BBX: variants seen among roughly 807,000 people sequenced by gnomAD.
BBX encodes BBX high mobility group box domain containing.
Under a neutral mutation model 100.2 loss-of-function variants are expected in BBX, and 30 were observed. The ratio of observed to expected loss-of-function variants is 0.30; its 90% confidence interval spans 0.22 to 0.41. The LOEUF is 0.41. Ranked by LOEUF, BBX falls within the 10% of genes least tolerant of loss-of-function variation. BBX has a pLI of 1.00. For missense variants in BBX, 1,023 were observed against 1,129.8 expected (o/e 0.91, Z 1.35); for synonymous variants, 376 against 388.1 (o/e 0.97, Z 0.37).
intron 2 of BBX, among the ~76,000 whole-genome samples, chr3:107,607,925 G>C (rs2054570422): frequency 1.3e-5 from 2 of 152,046 alleles, no homozygotes; most frequent in African/African-American, 4.8e-5. Flanking sequence ...TTTTCCTTAA[G>C]AGTTGTTTGA....
chr3:107,754,232 A>G (rs1487061365), intron 9 of BBX, among the ~76,000 whole-genome samples: 1 of 152,208 alleles, frequency 6.6e-6, no homozygotes, highest in African/African-American at 2.4e-5. Flanking sequence ...TCCCTGAAGC[A>G]CTGAGAGCCG....
rs1055688191 is a variant in BBX at position 107,748,166 on chromosome 3, T to C, written c.825+127T>C. On this transcript the variant is annotated intron_variant, in intron 9 of 17. Coordinates refer to ENST00000325805, the MANE Select transcript of BBX (RefSeq NM_001142568.3). ...GTTGTCATTATTAACATAATACACA[T>C]AACAGAATATTTATTGCTTTTTCTG... is the stretch of plus-strand genomic sequence containing the variant. The C allele has an allele frequency of 1.0e-5, 7 of 674,376 alleles. No homozygotes were observed. In the African/African-American group the frequency reaches 1.3e-4, roughly 12 times the overall value. The allele number at this position is 674,376 out of a possible 1,614,324, so 41.8% of individuals were successfully genotyped here.
rs1384138660 is a variant in BBX at position 107,645,929 on chromosome 3, T to C, written c.-10+20T>C. 1 of 152,618 alleles carries C rather than the reference T, an allele frequency of 6.6e-6. No homozygotes were observed. The highest frequency in any genetic ancestry group is 1.9e-4 in the East Asian group (1 of 5,196). 9.5% of individuals were successfully genotyped at this position (152,618 alleles called of 1,614,324 possible). On this transcript the variant is annotated intron_variant, in intron 3 of 17. Transcript: ENST00000325805. ...TGACTGGTAAGAGCTGTTGTGAAGG[T>C]ACATCTTACTTACTTACCTGGAAGC...
chr3:107,775,005 C>A, intron 12 of BBX, 148 bp downstream of exon 12: 1 of 865,210 alleles, frequency 1.2e-6, no homozygotes, highest in South Asian at 2.5e-5. Context: ...CCCTAGTGAA[C>A]ACAAATCAAG....
chr3:107,739,770 G>A (rs2063928227), intron 7 of BBX, among the ~76,000 whole-genome samples: 1 of 152,208 alleles, frequency 6.6e-6, no homozygotes, highest in Non-Finnish European at 1.5e-5. Flanking sequence ...GATGTACACT[G>A]TTGCATTTTA....
intron 3 of BBX, among the ~76,000 whole-genome samples, chr3:107,700,934 A>G (rs1172959308): frequency 2.0e-5 from 3 of 151,822 alleles, no homozygotes; most frequent in Non-Finnish European, 4.4e-5. Flanking sequence ...AGCATGATTT[A>G]TAATCCTTTG....
intron 2 of BBX, among the ~76,000 whole-genome samples, chr3:107,572,317 A>C (rs1282642233): frequency 6.6e-6 from 1 of 152,050 alleles, no homozygotes; most frequent in Non-Finnish European, 1.5e-5. Context: ...ATTTTTTTTT[A>C]AATGTGAGCA....
At chr3:107,617,660 A>G (rs151285658) in intron 2 of BBX, among the ~76,000 whole-genome samples, 3 of 152,144 alleles carry the variant, frequency 2.0e-5, no homozygotes, top group Admixed American at 2.0e-4. Flanking sequence ...TAGTGTCTAC[A>G]TGTTAAAATA....
At chr3:107,629,609 C>T (rs184302959) in intron 2 of BBX, among the ~76,000 whole-genome samples, 14 of 152,124 alleles carry the variant, frequency 9.2e-5, no homozygotes, top group Admixed American at 3.3e-4. Context: ...ACAAACACAT[C>T]ATTCAGTGCC....
chr3:107,564,496 T>C (rs1172822352), intron 2 of BBX, among the ~76,000 whole-genome samples: 1 of 152,196 alleles, frequency 6.6e-6, no homozygotes, highest in Non-Finnish European at 1.5e-5. Context: ...ATTCACACAT[T>C]TAAGCCCTTT....
chr3:107,805,657 A>G lies in BBX; in HGVS notation c.*200A>G. 1 of 986,944 alleles carries G rather than the reference A, an allele frequency of 1.0e-6. No individual in the cohort carries two copies. The highest frequency in any genetic ancestry group is 2.8e-5 in the Admixed American group (1 of 36,306). 61.1% of individuals were successfully genotyped at this position (986,944 alleles called of 1,614,324 possible). A position where few individuals can be genotyped will look rare whatever the true frequency, so the allele number is the denominator to read the frequency against. On this transcript the variant is annotated 3_prime_UTR_variant, in exon 18 of 18. Transcript: ENST00000325805. ...CTCAGAACCCAGAATCTTTGAGGGT[A>G]AGGTTATCTGTCTGATACTGAGCAG...
At chr3:107,663,228 G>A (rs1473876204) in intron 3 of BBX, among the ~76,000 whole-genome samples, 2 of 152,218 alleles carry the variant, frequency 1.3e-5, no homozygotes, top group Non-Finnish European at 2.9e-5. Context: ...TGAGAAATAA[G>A]TTTGTGGCTA....
At chr3:107,791,181 TG>T in intron 14 of BBX, 58 bp from the exon 15 acceptor site, 1 of 1,410,114 alleles carries the variant, frequency 7.1e-7, no homozygotes, top group South Asian at 1.2e-5. Flanking sequence ...TTTTGTAGTA[TG>T]GGGAATCTAC....
chr3:107,758,049 G>A (rs1035878775), intron 10 of BBX, among the ~76,000 whole-genome samples: 1 of 152,102 alleles, frequency 6.6e-6, no homozygotes, highest in African/African-American at 2.4e-5. Flanking sequence ...CTTTGGTAGA[G>A]GGTTATCATA....
chr3:107,699,237 A>C (rs932701558), intron 3 of BBX, among the ~76,000 whole-genome samples: 4 of 151,852 alleles, frequency 2.6e-5, no homozygotes, highest in Non-Finnish European at 5.9e-5. Context: ...GTGAGATCCA[A>C]GCTAAGCCCC....
intron 2 of BBX, among the ~76,000 whole-genome samples, chr3:107,562,506 A>G (rs2050580678): frequency 6.6e-6 from 1 of 152,198 alleles, no homozygotes; most frequent in African/African-American, 2.4e-5. Context: ...TTTATGTAGT[A>G]ATTCATTTAG....
At chr3:107,789,954 C>T (rs2068821928) in intron 14 of BBX, 78 bp downstream of exon 14, 1 of 1,171,276 alleles carries the variant, frequency 8.5e-7, no homozygotes, top group Non-Finnish European at 1.2e-6. Flanking sequence ...TGCTCCCATG[C>T]ACTGCCTTTG....
At chr3:107,658,255 A>G (rs1161292707) in intron 3 of BBX, among the ~76,000 whole-genome samples, 2 of 152,138 alleles carry the variant, frequency 1.3e-5, no homozygotes, top group Non-Finnish European at 2.9e-5. Flanking sequence ...ATCTTCTATA[A>G]ATGTAGTTGT....
rs190567221 is a variant in BBX at position 107,525,794 on chromosome 3, T to C, written c.-155-533T>C. Among the ~76,000 whole-genome samples the C allele has an allele frequency of 7.4e-3, 1,126 of 152,238 alleles. 5 individuals are homozygous for C. The highest frequency in any genetic ancestry group is 0.02 in the Middle Eastern group (6 of 294). Reference sequence around the variant, plus strand: ...TCGGTTCCTATCTCCAATCTGGGGATTGTGACCCGGGCTGGGTGTTTGGGA... The same window carrying C: ...TCGGTTCCTATCTCCAATCTGGGGACTGTGACCCGGGCTGGGTGTTTGGGA... On this transcript the variant is annotated intron_variant, in intron 1 of 17. Transcript: ENST00000325805.
Sources: gnomAD v4.1 joint callset for allele counts (sites outside exome capture counted in the v4.1 genomes callset) on GRCh38, gnomAD v4.1.1 for gene constraint, MANE v1.5 for transcripts, NCBI Gene and HGNC (gene_info 2026-07-23, HGNC 2026-07-21) for gene names.